The following CHRM3 variants were observed in gnomAD, a reference collection of about 807,000 sequenced individuals.
CHRM3 encodes the protein cholinergic receptor muscarinic 3.
In CHRM3, 11 loss-of-function variants were observed where a neutral mutation model predicts 41.8. The ratio of observed to expected loss-of-function variants is 0.26; its 90% CI spans 0.17 to 0.44. The LOEUF is 0.44. Among genes scored for constraint, CHRM3 ranks in the 20% least tolerant of loss-of-function variants. The pLI is 1.00. For missense variants in CHRM3, 571 were observed against 745.4 expected, an observed-to-expected ratio of 0.77 and a Z score of 2.72; for synonymous variants, 297 against 301.4, an observed-to-expected ratio of 0.99 and a Z score of 0.15.
chr1:239,809,630 T>C (rs990313897), intron 5 of CHRM3, among the ~76,000 whole-genome samples: 3 of 152,100 alleles, frequency 2.0e-5, no homozygotes, highest in African/African-American at 7.2e-5. Context: ...CCCAAGTAGC[T>C]GGGACTACAG....
intron 5 of CHRM3, among the ~76,000 whole-genome samples, chr1:239,810,425 C>T (rs1201105745): frequency 6.6e-6 from 1 of 152,134 alleles, no homozygotes; most frequent in Non-Finnish European, 1.5e-5. Context: ...TGAGGATAGC[C>T]AGGCCAGCAA....
intron 5 of CHRM3, among the ~76,000 whole-genome samples, chr1:239,767,880 G>C (rs985077883): frequency 1.3e-5 from 2 of 151,986 alleles, no homozygotes; most frequent in Non-Finnish European, 2.9e-5. Context: ...AATCACCTGG[G>C]TATCTTGTTT....
chr1:239,572,354 C>T (rs1158948500), intron 3 of CHRM3, among the ~76,000 whole-genome samples: 1 of 152,148 alleles, frequency 6.6e-6, no homozygotes, highest in Admixed American at 6.5e-5. Context: ...AAGTGGGTAA[C>T]AGATATTACT....
At chr1:239,803,921 G>A (rs946466066) in intron 5 of CHRM3, among the ~76,000 whole-genome samples, 15 of 152,316 alleles carry the variant, frequency 9.8e-5, no homozygotes, top group African/African-American at 2.6e-4. Context: ...TTAACTCTGC[G>A]GAGGTAGCCC....
chr1:239,685,878 C>G (rs758388156), intron 5 of CHRM3, among the ~76,000 whole-genome samples: 9 of 152,152 alleles, frequency 5.9e-5, no homozygotes, highest in Non-Finnish European at 1.3e-4. Flanking sequence ...AAACTGTGTT[C>G]TGTCATTGAC....
At position 239,909,107 on chromosome 1, in the gene CHRM3, A is replaced by G. The variant is rs1680203847; in HGVS notation, c.1656A>G (p.Arg552=). The G allele has an allele frequency of 6.2e-7, 1 of 1,614,094 alleles. No homozygotes were observed. The highest frequency in any genetic ancestry group is 8.5e-7 in the Non-Finnish European group (1 of 1,180,032). ...VCYALCNKTF[R]TTFKMLLLCQ... is the part of the protein sequence containing the mutation. ...ATGCTCTGTGCAACAAAACATTCAG[A>G]ACCACTTTCAAGATGCTGCTGCTGT... The change falls in exon 7 of 7, where the codon AGA becomes AGG. Residue 552 remains arginine, a synonymous_variant. Coordinates refer to ENST00000676153, the MANE Select transcript of CHRM3 (RefSeq NM_001375978.1).
chr1:239,529,979 G>A (rs1238861823), intron 2 of CHRM3, among the ~76,000 whole-genome samples: 1 of 151,880 alleles, frequency 6.6e-6, no homozygotes, highest in African/African-American at 2.4e-5. Flanking sequence ...CTCACTGCAA[G>A]CTCCGCCTCC....
At chr1:239,616,443 T>A (rs1667645602) in intron 3 of CHRM3, among the ~76,000 whole-genome samples, 1 of 152,190 alleles carries the variant, frequency 6.6e-6, no homozygotes, top group East Asian at 1.9e-4. Flanking sequence ...AGCCAGGGTG[T>A]CCTTGGTTCC....
chr1:239,840,667 A>G (rs751043301), intron 6 of CHRM3, among the ~76,000 whole-genome samples: 12 of 152,204 alleles, frequency 7.9e-5, no homozygotes, highest in Non-Finnish European at 1.6e-4. Context: ...AAATGCTTTA[A>G]AGATCTCATT....
chr1:239,554,538 T>G (rs1572696217), intron 3 of CHRM3, among the ~76,000 whole-genome samples: 1 of 151,964 alleles, frequency 6.6e-6, no homozygotes, highest in African/African-American at 2.4e-5. Context: ...ACAAAAAAAG[T>G]AATAAATTTA....
chr1:239,627,642 C>T (rs370746765), intron 3 of CHRM3, among the ~76,000 whole-genome samples: 1 of 143,258 alleles, frequency 7.0e-6, no homozygotes. Context: ...GGCTGGTACC[C>T]GTTGTTCCTT....
chr1:239,890,557 T>C (rs1015836727), intron 6 of CHRM3, among the ~76,000 whole-genome samples: 3 of 152,162 alleles, frequency 2.0e-5, no homozygotes, highest in African/African-American at 4.8e-5. Flanking sequence ...AATGAATATA[T>C]ATGCCATATA....
intron 1 of CHRM3, among the ~76,000 whole-genome samples, chr1:239,472,675 T>A (rs1041517180): frequency 1.4e-5 from 2 of 143,994 alleles, no homozygotes; most frequent in Admixed American, 7.1e-5. Context: ...AGCTGAACAA[T>A]GAGAACACAT....
chr1:239,798,090 C>T (rs972955676), intron 5 of CHRM3, among the ~76,000 whole-genome samples: 2 of 152,134 alleles, frequency 1.3e-5, no homozygotes, highest in Non-Finnish European at 2.9e-5. Context: ...ATTCTCACAG[C>T]CCAAACCTTT....
At chr1:239,678,695 A>G (rs1173137255) in intron 5 of CHRM3, among the ~76,000 whole-genome samples, 1 of 152,154 alleles carries the variant, frequency 6.6e-6, no homozygotes, top group Non-Finnish European at 1.5e-5. Context: ...CCCTCCCCAA[A>G]TTAGTCCAGG....
intron 6 of CHRM3, among the ~76,000 whole-genome samples, chr1:239,859,331 T>C (rs1675384733): frequency 6.6e-6 from 1 of 152,144 alleles, no homozygotes; most frequent in South Asian, 2.1e-4. Context: ...CTCACTGTGG[T>C]TTTTGACTTC....
chr1:239,623,110 A>C (rs1159155480), intron 3 of CHRM3, among the ~76,000 whole-genome samples: 1 of 152,160 alleles, frequency 6.6e-6, no homozygotes, highest in Non-Finnish European at 1.5e-5. Context: ...ATTTTCTAGC[A>C]ATAAAGGTTT....
At chr1:239,604,270 C>G (rs1414488945) in intron 3 of CHRM3, among the ~76,000 whole-genome samples, 1 of 147,876 alleles carries the variant, frequency 6.8e-6, no homozygotes, top group Non-Finnish European at 1.5e-5. Context: ...TTAGAAAATT[C>G]TTAGCACATC....
chr1:239,852,673 C>A (rs565316009), intron 6 of CHRM3, among the ~76,000 whole-genome samples: 1 of 151,910 alleles, frequency 6.6e-6, no homozygotes, highest in South Asian at 2.1e-4. Context: ...GAACAGCCAA[C>A]CTAAATCTTT....
Sources: allele counts gnomAD v4.1 joint callset (sites outside exome capture counted in the v4.1 genomes callset), GRCh38; gene constraint gnomAD v4.1.1; transcripts MANE v1.5; gene names NCBI Gene and HGNC (gene_info 2026-07-23, HGNC 2026-07-21).